The following SERPINI2 variants were observed in gnomAD, a reference collection of about 807,000 sequenced individuals.
SERPINI2 encodes the protein serpin family I member 2.
SERPINI2 carries 48 observed loss-of-function variants against 47.3 expected under a neutral mutation model. The ratio of observed to expected loss-of-function variants is 1.02; its 90% CI spans 0.81 to 1.29. The LOEUF is 1.29. Ranked by LOEUF, SERPINI2 falls within the 50% of genes most tolerant of loss-of-function variation. The probability of loss-of-function intolerance (pLI) is 0.00; values close to 1 mark genes in which losing one functional copy is unlikely to be tolerated. For synonymous variants in SERPINI2, 135 were observed against 149.3 expected, an observed-to-expected ratio of 0.90 and a Z score of 0.70; for missense variants, 448 against 456.9, an observed-to-expected ratio of 0.98 and a Z score of 0.18.
chr3:167,474,085 C>A, exon 1 of SERPINI2: 1 of 1,017,002 alleles, frequency 9.8e-7, no homozygotes, highest in Non-Finnish European at 1.2e-6. Context: ...AACACCTGAG[C>A]GATCAAGGCC....
chr3:167,471,829 G>C, exon 2 of SERPINI2: 1 of 1,608,912 alleles, frequency 6.2e-7, no homozygotes, highest in Non-Finnish European at 8.5e-7. Flanking sequence ...AGAAGATTGT[G>C]TCCATTTTGA....
At chr3:167,445,503 G>A (rs1280605753) in intron 8 of SERPINI2, among the ~76,000 whole-genome samples, 1 of 152,162 alleles carries the variant, frequency 6.6e-6, no homozygotes, top group South Asian at 2.1e-4. Context: ...CAAGCAACTT[G>A]TTTCACAACT....
chr3:167,466,995 G>T (rs879226485), intron 3 of SERPINI2, 60 bp downstream of exon 3: 2 of 1,197,164 alleles, frequency 1.7e-6, no homozygotes, highest in South Asian at 1.4e-5. Context: ...TTTACTTTAG[G>T]ATATTAAAAA....
chr3:167,474,186 G>A, upstream of SERPINI2: 1 of 941,068 alleles, frequency 1.1e-6, no homozygotes, highest in Non-Finnish European at 1.3e-6. Flanking sequence ...ACACAATCGG[G>A]TTAATGATCA....
At chr3:167,473,793 C>A (rs1260242036) in intron 1 of SERPINI2, 1 of 1,456,856 alleles carries the variant, frequency 6.9e-7, no homozygotes, top group Admixed American at 2.3e-5. Context: ...CTGAACTAAA[C>A]AACCTGATGA....
In SERPINI2 at chr3:167,470,889, A is replaced by T. The variant is rs1206773042; in HGVS notation, c.247+699T>A. ...CACAAAAGCACAGTATCCCAGTAAG[A>T]GGGATAGACACTATCCCAGACAGTC... is the stretch of plus-strand genomic sequence containing the variant. On this transcript the variant is annotated intron_variant, in intron 2 of 8. Transcript: ENST00000264677. Among the ~76,000 whole-genome samples, 3 of 152,228 alleles carry T rather than the reference A, an allele frequency of 2.0e-5. No homozygotes were observed. The East Asian group carries it at 5.8e-4, about 29-fold the overall frequency.
chr3:167,465,276 T>G, exon 5 of SERPINI2: 1 of 1,612,988 alleles, frequency 6.2e-7, no homozygotes, highest in East Asian at 2.2e-5. Flanking sequence ...TGAGCAGTAA[T>G]TAGTTTTTCC....
chr3:167,449,560 T>C (rs1749586860), intron 6 of SERPINI2, among the ~76,000 whole-genome samples, 158 bp from the exon 7 acceptor site: 1 of 152,172 alleles, frequency 6.6e-6, no homozygotes, highest in African/African-American at 2.4e-5. Flanking sequence ...ACTGGCACGA[T>C]CTCAGCTCAC....
rs1750149259 is a variant in SERPINI2 at position 167,466,925 on chromosome 3, A to G, written c.478+130T>C. 8 of 467,498 alleles carry G rather than the reference A, an allele frequency of 1.7e-5. No homozygotes were observed. In the East Asian group the frequency reaches 2.7e-4, roughly 16 times the overall value. 29.0% of individuals were successfully genotyped at this position (467,498 alleles called of 1,614,324 possible). On this transcript the variant is annotated intron_variant, in intron 3 of 8. Transcript: ENST00000264677. ...TAATATTAATTTAAATAACTATGAAATGAAATAGGATATTTGATTCCTCTG... is the reference window on the plus strand; with the variant it reads ...TAATATTAATTTAAATAACTATGAAGTGAAATAGGATATTTGATTCCTCTG...
At chr3:167,475,728 T>C (rs57579138), upstream of SERPINI2, among the ~76,000 whole-genome samples, 176 of 145,752 alleles carry the variant, frequency 1.2e-3, 3 homozygotes, top group African/African-American at 3.7e-3. Context: ...AAAATCGGGG[T>C]GGGGGGAGAA....
chr3:167,462,203 T>C (rs968480021), intron 5 of SERPINI2, among the ~76,000 whole-genome samples: 2 of 152,236 alleles, frequency 1.3e-5, no homozygotes, highest in African/African-American at 4.8e-5. Flanking sequence ...TGTAAGTCCC[T>C]TTCACTATCA....
chr3:167,466,987 T>C, intron 3 of SERPINI2, 68 bp downstream of exon 3: 9 of 1,088,614 alleles, frequency 8.3e-6, no homozygotes, highest in Non-Finnish European at 1.1e-5. Context: ...AGCCATTCTT[T>C]ACTTTAGGAT....
rs771599654 is a variant in SERPINI2, at chr3:167,467,139, G to A, written c.394C>T (p.Gln132Ter). 15 of 1,613,458 alleles carry A rather than the reference G, an allele frequency of 9.3e-6. No homozygotes were observed. The South Asian group carries it at 1.5e-4, about 17-fold the overall frequency. ...AAATCCACCAGTTTTATAGCACTCTGAAAAAATTCCTTGTTGCCATGGAGA... is the reference window on the plus strand; with the variant it reads ...AAATCCACCAGTTTTATAGCACTCTAAAAAAATTCCTTGTTGCCATGGAGA... The change falls in exon 3 of 9, where the codon CAG (glutamine) becomes TAG (stop). Residue 132 changes from glutamine to a stop codon, truncating the protein, a stop_gained. Transcript: ENST00000264677. LOFTEE classifies it high-confidence loss of function.
Position 167,465,831 on chromosome 3 carries a change from G to A in SERPINI2, c.479-158C>T, listed in dbSNP as rs147915845. 2.0e-5 allele frequency among the ~76,000 whole-genome samples: 3 copies of A among 152,210 alleles called. No homozygotes were observed. In the East Asian group the frequency reaches 5.8e-4, roughly 29 times the overall value. On this transcript the variant is annotated intron_variant, in intron 3 of 8. Coordinates refer to ENST00000264677, the Ensembl canonical transcript of SERPINI2. ...GGTAATTTTGAGAATAGACGGGATTGCTGTTAAATATTTCATGAAGAAACA... is the reference window on the plus strand; with the variant it reads ...GGTAATTTTGAGAATAGACGGGATTACTGTTAAATATTTCATGAAGAAACA...
At chr3:167,452,473 C>T (rs1457902581) in intron 6 of SERPINI2, among the ~76,000 whole-genome samples, 3 of 152,216 alleles carry the variant, frequency 2.0e-5, no homozygotes, top group Non-Finnish European at 4.4e-5. Context: ...AATCTGCAAG[C>T]TGTAGCGTTA....
intron 6 of SERPINI2, 81 bp downstream of exon 6, chr3:167,452,855 T>C (rs1749679163): frequency 1.2e-6 from 1 of 807,932 alleles, no homozygotes; most frequent in African/African-American, 1.8e-5. Flanking sequence ...TGAATGCTCT[T>C]TCAGTTTTAA....
intron 7 of SERPINI2, among the ~76,000 whole-genome samples, chr3:167,448,820 T>C (rs1266683272): frequency 1.3e-5 from 2 of 152,142 alleles, no homozygotes; most frequent in African/African-American, 4.8e-5. Context: ...CCGCGCCCGG[T>C]TGACTGGGCA....
chr3:167,472,386 A>C (rs1750356227), intron 1 of SERPINI2, among the ~76,000 whole-genome samples: 1 of 152,006 alleles, frequency 6.6e-6, no homozygotes, highest in Non-Finnish European at 1.5e-5. Context: ...ATTTCTTAGG[A>C]CAAAATAACC....
Position 167,442,201 on chromosome 3 carries a change from C to CA in SERPINI2, c.1142-17dup, listed in dbSNP as rs768118058. ...AGAATTGATTCTAGGGAAAAAAAAA[C>CA]AAAAAAATATACTTTAGGAATTTCA... On this transcript the variant is annotated splice_polypyrimidine_tract_variant and intron_variant, in intron 8 of 8. Coordinates refer to ENST00000264677, the Ensembl canonical transcript of SERPINI2. The CA allele has an allele frequency of 1.7e-4, 253 of 1,518,126 alleles. No individual in the cohort carries two copies. The highest frequency in any genetic ancestry group is 2.0e-4 in the Non-Finnish European group (226 of 1,123,740). 94.0% of individuals were successfully genotyped at this position (1,518,126 alleles called of 1,614,324 possible).
Sources: allele counts gnomAD v4.1 joint callset (sites outside exome capture counted in the v4.1 genomes callset), GRCh38; gene constraint gnomAD v4.1.1; transcripts MANE v1.5; gene names NCBI Gene and HGNC (gene_info 2026-07-23, HGNC 2026-07-21).